SNX24: variants seen among roughly 807,000 people sequenced by gnomAD.
SNX24 encodes the protein sorting nexin 24.
SNX24 carries 22 observed loss-of-function variants against 28.7 expected under a neutral mutation model. The ratio of observed to expected loss-of-function variants is 0.77; its 90% CI spans 0.55 to 1.10. The LOEUF (loss-of-function observed/expected upper bound fraction) is 1.10. Ranked by LOEUF, SNX24 falls within the 50% of genes least tolerant of loss-of-function variation. The pLI, the probability that SNX24 is intolerant of heterozygous loss-of-function variation, is 0.00. For missense variants in SNX24, 221 were observed against 201.1 expected (o/e 1.10, Z -0.60); for synonymous variants, 69 against 71.5 (o/e 0.96, Z 0.18).
intron 5 of SNX24, 42 bp from the exon 6 acceptor site, chr5:123,001,898 A>G (rs1762260252): frequency 5.1e-6 from 8 of 1,558,148 alleles, no homozygotes; most frequent in African/African-American, 2.7e-5. Context: ...TCTGTTTACC[A>G]TCGTCCCCTG....
chr5:123,002,980 G>A (rs1762298138), intron 6 of SNX24, among the ~76,000 whole-genome samples: 1 of 152,230 alleles, frequency 6.6e-6, no homozygotes, highest in South Asian at 2.1e-4. Flanking sequence ...GATGGTTGAT[G>A]GGTGGACCTC....
intron 5 of SNX24, among the ~76,000 whole-genome samples, chr5:123,026,975 G>A (rs978574686): frequency 5.3e-5 from 8 of 151,996 alleles, no homozygotes; most frequent in African/African-American, 1.9e-4. Context: ...CGGGCAGATC[G>A]CAAGGCCAGG....
intron 1 of SNX24, among the ~76,000 whole-genome samples, chr5:122,855,616 A>G (rs537888292): frequency 2.8e-4 from 43 of 152,292 alleles, no homozygotes; most frequent in South Asian, 2.1e-3. Flanking sequence ...CCCAATCTCT[A>G]TTAAAAAATA....
Position 122,851,004 on chromosome 5 carries a change from G to T in SNX24, c.60+5311G>T, listed in dbSNP as rs185457856. Among the ~76,000 whole-genome samples the T allele has an allele frequency of 1.9e-3, 284 of 152,234 alleles. 1 individual carries two copies. The highest frequency in any genetic ancestry group is 5.2e-3 in the Admixed American group (79 of 15,282). ...TGAGTGGTCTTGCAAGTTGAGGATG[G>T]ACAGCAGTCCATTCTAAGAACTGAG... On this transcript the variant is annotated intron_variant, in intron 1 of 6. Transcript: ENST00000261369.
At chr5:122,993,354 A>C (rs1761934066) in intron 3 of SNX24, among the ~76,000 whole-genome samples, 1 of 142,334 alleles carries the variant, frequency 7.0e-6, no homozygotes, top group Admixed American at 7.5e-5. Context: ...GCTGGGGTGC[A>C]GTGGCGCGAT....
In SNX24 at chr5:122,913,288, G is replaced by A. The variant is rs577800547; in HGVS notation, c.61-23446G>A. Among the ~76,000 whole-genome samples the A allele has an allele frequency of 1.5e-3, 234 of 152,186 alleles. 1 individual carries two copies. The highest frequency in any genetic ancestry group is 5.4e-3 in the African/African-American group (223 of 41,538). Reference sequence around the variant, plus strand: ...GGGCTCCTCACTTCCCAGTAGGGGCGGCCGGGCAGAGGCGCCCCCCACCTC... The same window carrying A: ...GGGCTCCTCACTTCCCAGTAGGGGCAGCCGGGCAGAGGCGCCCCCCACCTC... On this transcript the variant is annotated intron_variant, in intron 1 of 6. Transcript: ENST00000261369.
intron 1 of SNX24, among the ~76,000 whole-genome samples, chr5:122,930,968 A>G (rs1202023586): frequency 1.3e-5 from 2 of 152,200 alleles, no homozygotes; most frequent in Non-Finnish European, 2.9e-5. Flanking sequence ...GAGGAAAAAA[A>G]TTGATTTTGT....
downstream of SNX24, among the ~76,000 whole-genome samples, chr5:123,012,638 G>A (rs749515929): frequency 6.6e-6 from 1 of 152,144 alleles, no homozygotes; most frequent in Non-Finnish European, 1.5e-5. Context: ...ACTAAAAATG[G>A]TTAAAATAAA....
At chr5:122,849,626 G>A (rs1222192043) in intron 1 of SNX24, among the ~76,000 whole-genome samples, 2 of 152,108 alleles carry the variant, frequency 1.3e-5, no homozygotes, top group East Asian at 3.8e-4. Context: ...CTCTAAATAA[G>A]TTTGTGAAGA....
chr5:122,969,375 A>G (rs944779271), intron 3 of SNX24, among the ~76,000 whole-genome samples: 5 of 152,340 alleles, frequency 3.3e-5, no homozygotes, highest in Admixed American at 6.5e-5. Flanking sequence ...AACACTTTCT[A>G]AAACATTTCC....
At chr5:123,009,651 TA>T (rs1462876477), downstream of SNX24, among the ~76,000 whole-genome samples, 2 of 151,044 alleles carry the variant, frequency 1.3e-5, no homozygotes, top group Non-Finnish European at 3.0e-5. Flanking sequence ...CATATCTATT[TA>T]AACTTTTAAT....
intron 1 of SNX24, among the ~76,000 whole-genome samples, chr5:122,903,918 A>G (rs1456782795): frequency 6.6e-6 from 1 of 152,176 alleles, no homozygotes; most frequent in Non-Finnish European, 1.5e-5. Flanking sequence ...TAGGTACACA[A>G]TATGTTTCAA....
chr5:122,901,756 T>C (rs1396654434), intron 1 of SNX24, among the ~76,000 whole-genome samples: 1 of 152,166 alleles, frequency 6.6e-6, no homozygotes, highest in Non-Finnish European at 1.5e-5. Flanking sequence ...ACCTTGGACA[T>C]GGGGTAATAC....
At chr5:122,920,318 A>G (rs557901236) in intron 1 of SNX24, among the ~76,000 whole-genome samples, 1 of 152,344 alleles carries the variant, frequency 6.6e-6, no homozygotes, top group African/African-American at 2.4e-5. Context: ...AGCATAAGTA[A>G]GGTAGAGGAT....
intron 1 of SNX24, among the ~76,000 whole-genome samples, chr5:122,927,774 T>C (rs1758766739): frequency 6.6e-6 from 1 of 152,174 alleles, no homozygotes; most frequent in African/African-American, 2.4e-5. Flanking sequence ...CACACTCTAA[T>C]AATGCCCAAA....
At chr5:122,922,776 CT>C (rs1183593614) in intron 1 of SNX24, among the ~76,000 whole-genome samples, 1 of 152,038 alleles carries the variant, frequency 6.6e-6, no homozygotes, top group Non-Finnish European at 1.5e-5. Flanking sequence ...TTTCTAAAAC[CT>C]ACTTGTGAGT....
intron 1 of SNX24, among the ~76,000 whole-genome samples, chr5:122,871,988 G>A (rs1756003200): frequency 6.6e-6 from 1 of 151,646 alleles, no homozygotes; most frequent in African/African-American, 2.4e-5. Context: ...AGGATTTCTT[G>A]TAAGGATCAT....
intron 5 of SNX24, among the ~76,000 whole-genome samples, chr5:123,018,178 G>T (rs1233558394): frequency 6.6e-6 from 1 of 151,850 alleles, no homozygotes; most frequent in Non-Finnish European, 1.5e-5. Context: ...CTCACACAAG[G>T]CTTGGAGCCA....
chr5:122,871,646 T>C (rs544420545), intron 1 of SNX24, among the ~76,000 whole-genome samples: 33 of 152,224 alleles, frequency 2.2e-4, no homozygotes, highest in African/African-American at 7.9e-4. Flanking sequence ...GACATGCGCC[T>C]GTAATCCCAG....
Sources: gnomAD v4.1 joint callset for allele counts (sites outside exome capture counted in the v4.1 genomes callset) on GRCh38, gnomAD v4.1.1 for gene constraint, MANE v1.5 for transcripts, NCBI Gene and HGNC (gene_info 2026-07-23, HGNC 2026-07-21) for gene names.